The following MCFD2 variants were observed in gnomAD, a reference collection of about 807,000 sequenced individuals.
MCFD2 encodes the protein multiple coagulation factor deficiency protein 2.
A neutral mutation model predicts 12.8 loss-of-function variants in MCFD2; 11 were observed. That is an observed-to-expected ratio of 0.86 (90% CI 0.54 to 1.42). The LOEUF is 1.42. Ranked by LOEUF, MCFD2 falls within the 40% of genes most tolerant of loss-of-function variation. MCFD2 has a pLI of 0.00. For missense variants in MCFD2, 191 were observed against 178.6 expected, an observed-to-expected ratio of 1.07 and a Z score of -0.40; for synonymous variants, 70 against 68.1, an observed-to-expected ratio of 1.03 and a Z score of -0.14.
chr2:46,934,743 T>G (rs1020599989), intron 1 of MCFD2, among the ~76,000 whole-genome samples: 1 of 142,418 alleles, frequency 7.0e-6, no homozygotes, highest in Non-Finnish European at 1.5e-5. Flanking sequence ...TTTTGCCCTA[T>G]CCCAACAATC....
intron 1 of MCFD2, among the ~76,000 whole-genome samples, chr2:46,938,249 A>G (rs1166056609): frequency 6.6e-6 from 1 of 152,248 alleles, no homozygotes; most frequent in Non-Finnish European, 1.5e-5. Flanking sequence ...CCCACAAGGA[A>G]ACATTTCTCT....
intron 1 of MCFD2, chr2:46,912,462 GA>G (rs1273409580): frequency 1.3e-5 from 2 of 152,252 alleles, no homozygotes; most frequent in African/African-American, 4.8e-5. Context: ...AACTTGTTCT[GA>G]CCACACATCT....
At position 46,908,158 on chromosome 2, in the gene MCFD2, T is replaced by C. The variant is rs956167519; in HGVS notation, c.150-189A>G. On this transcript the variant is annotated intron_variant, in intron 2 of 3. Coordinates refer to ENST00000319466, the MANE Select transcript of MCFD2 (RefSeq NM_139279.6). The surrounding 1 kb of genome is among the most constrained non-coding windows in gnomAD (Gnocchi z 4.5). ...CTTGAGAGGAGCAGGAAAAGTCAAA[T>C]AGACCATCTGTTATGCTGGCAGGAT... 1.2e-5 allele frequency: 8 copies of C among 661,912 alleles called. No individual in the cohort carries two copies. The highest frequency in any genetic ancestry group is 5.5e-5 in the East Asian group (2 of 36,560). The allele number at this position is 661,912 out of a possible 1,614,324, so 41.0% of individuals were successfully genotyped here.
At chr2:46,923,545 G>A (rs768313268) in intron 1 of MCFD2, among the ~76,000 whole-genome samples, 2 of 152,148 alleles carry the variant, frequency 1.3e-5, no homozygotes, top group East Asian at 3.8e-4. Context: ...TATCAGACCT[G>A]TCTCTTTACT....
upstream of MCFD2, among the ~76,000 whole-genome samples, chr2:46,920,407 G>T (rs1414256284): frequency 6.6e-6 from 1 of 151,918 alleles, no homozygotes; most frequent in African/African-American, 2.4e-5. Flanking sequence ...TTAGCTCACT[G>T]CAATCTTTGC....
At chr2:46,924,690 G>A (rs1572639035) in intron 1 of MCFD2, among the ~76,000 whole-genome samples, 1 of 151,938 alleles carries the variant, frequency 6.6e-6, no homozygotes, top group East Asian at 1.9e-4. Context: ...GCAGTGGTGC[G>A]ATCTCAGCAC....
Position 46,905,370 on chromosome 2 carries a change from T to C in MCFD2, c.*93A>G, listed in dbSNP as rs1432591232. Reference sequence around the variant, plus strand: ...GGTTTTTACCAAAATGCTGCAGCAGTAGTTGGAAATGAGTTATTTTGCATT... The same window carrying C: ...GGTTTTTACCAAAATGCTGCAGCAGCAGTTGGAAATGAGTTATTTTGCATT... On this transcript the variant is annotated 3_prime_UTR_variant, in exon 4 of 4. Transcript: ENST00000319466. The C allele has an allele frequency of 2.9e-6, 4 of 1,382,906 alleles. No individual in the cohort carries two copies. Among genetic ancestry groups the C allele is most frequent in the African/African-American group, 1.4e-5 (1 of 70,294 alleles). 85.7% of individuals were successfully genotyped at this position (1,382,906 alleles called of 1,614,324 possible). A position where few individuals can be genotyped will look rare whatever the true frequency, so the allele number is the denominator to read the frequency against.
chr2:46,928,723 T>C lies in MCFD2; in HGVS notation c.-8+12849A>G, dbSNP rs113343657. ...AGGTTGAGGCTGCAGTGAGCTGTGATTGCACTACTGCACTCCAGCGTGGGT... is the reference window on the plus strand; with the variant it reads ...AGGTTGAGGCTGCAGTGAGCTGTGACTGCACTACTGCACTCCAGCGTGGGT... On this transcript the variant is annotated intron_variant, in intron 1 of 2. Transcript: ENST00000409147. 2.4e-3 allele frequency among the ~76,000 whole-genome samples: 372 copies of C among 152,010 alleles called. 3 individuals carry two copies. The highest frequency in any genetic ancestry group is 8.3e-3 in the African/African-American group (342 of 41,440).
chr2:46,917,234 ATCC>A (rs1668854829), upstream of MCFD2: 9 of 695,052 alleles, frequency 1.3e-5, no homozygotes, highest in East Asian at 2.5e-4. Flanking sequence ...GGTTCAAGCA[ATCC>A]TCCCACCACC....
intron 1 of MCFD2, among the ~76,000 whole-genome samples, chr2:46,930,770 G>A (rs1669658361): frequency 6.6e-6 from 1 of 152,092 alleles, no homozygotes; most frequent in African/African-American, 2.4e-5. Flanking sequence ...AAAGTGCAGG[G>A]ATTACAGGCG....
chr2:46,932,625 G>A (rs935487492), intron 1 of MCFD2, among the ~76,000 whole-genome samples: 18 of 152,108 alleles, frequency 1.2e-4, no homozygotes, highest in Non-Finnish European at 2.4e-4. Flanking sequence ...TGGAGGCCAG[G>A]TGCAGTGGCT....
chr2:46,907,809 C>A lies in MCFD2; in HGVS notation c.309+1G>T. The A allele has an allele frequency of 6.2e-7, 1 of 1,614,110 alleles. No individual in the cohort carries two copies. ...GTCCCCCAAGCCACTGCCAGACCTACCTCCTTATGGACATGAGTGATGGCT... is the reference window on the plus strand; with the variant it reads ...GTCCCCCAAGCCACTGCCAGACCTAACTCCTTATGGACATGAGTGATGGCT... On this transcript the variant is annotated splice_donor_variant, in intron 3 of 3. Coordinates refer to ENST00000319466, the MANE Select transcript of MCFD2 (RefSeq NM_139279.6). LOFTEE classifies it high-confidence loss of function. The surrounding 1 kb of genome is among the most constrained non-coding windows in gnomAD (Gnocchi z 4.1).
intron 1 of MCFD2, among the ~76,000 whole-genome samples, chr2:46,925,523 A>C (rs964752766): frequency 6.6e-6 from 1 of 152,094 alleles, no homozygotes; most frequent in Non-Finnish European, 1.5e-5. Context: ...ACACCACTGC[A>C]CTCCAGCCTG....
intron 3 of MCFD2, among the ~76,000 whole-genome samples, chr2:46,906,287 C>T (rs945749059): frequency 6.6e-6 from 1 of 152,088 alleles, no homozygotes; most frequent in Non-Finnish European, 1.5e-5. Flanking sequence ...TCTCCCACAA[C>T]CAAGGATCTT....
intron 1 of MCFD2, among the ~76,000 whole-genome samples, chr2:46,925,689 C>G (rs1208851105): frequency 3.3e-5 from 5 of 152,106 alleles, no homozygotes; most frequent in South Asian, 2.1e-4. Flanking sequence ...CCACCTCCCC[C>G]AAAAAAACCC....
intron 1 of MCFD2, among the ~76,000 whole-genome samples, chr2:46,924,598 G>T (rs774045623): frequency 6.6e-6 from 1 of 152,048 alleles, no homozygotes; most frequent in Non-Finnish European, 1.5e-5. Flanking sequence ...ATATTCATAA[G>T]AGTACCTTAC....
intron 1 of MCFD2, among the ~76,000 whole-genome samples, chr2:46,921,459 A>C (rs1380597075): frequency 1.3e-5 from 2 of 152,230 alleles, no homozygotes; most frequent in Non-Finnish European, 2.9e-5. Flanking sequence ...TTGAAAGCAT[A>C]CTTTGTCTTA....
chr2:46,923,214 A>T (rs1260436978), intron 1 of MCFD2, among the ~76,000 whole-genome samples: 1 of 152,190 alleles, frequency 6.6e-6, no homozygotes, highest in Non-Finnish European at 1.5e-5. Flanking sequence ...AGGCTTTATT[A>T]CATAGGCACA....
Position 46,941,146 on chromosome 2 carries a change from C to T in MCFD2, c.-8+426G>A, listed in dbSNP as rs1274434676. 2 of 147,782 alleles carry T rather than the reference C, an allele frequency of 1.4e-5. No individual in the cohort carries two copies. The highest frequency in any genetic ancestry group is 3.0e-5 in the Non-Finnish European group (2 of 65,996). 9.2% of individuals were successfully genotyped at this position (147,782 alleles called of 1,614,324 possible). A position where few individuals can be genotyped will look rare whatever the true frequency, so the allele number is the denominator to read the frequency against. On this transcript the variant is annotated intron_variant, in intron 1 of 2. Transcript: ENST00000409147. This position sits in a 1 kb window ranked among gnomAD's most constrained non-coding sequence, Gnocchi z 4.2. The stretch of plus-strand genomic sequence containing the variant: ...CAGCGAGCCCGGCTCGCCGAGGCCT[C>T]CCCACGCCCCCGCGGGGGTGGAGCC...
Sources: allele counts gnomAD v4.1 joint callset (sites outside exome capture counted in the v4.1 genomes callset), GRCh38; gene constraint gnomAD v4.1.1; non-coding constraint Gnocchi (gnomAD v3.1); transcripts MANE v1.5; gene names NCBI Gene and HGNC (gene_info 2026-07-23, HGNC 2026-07-21).